Variants in LINGO2 observed in about 807,000 individuals in gnomAD.
LINGO2 encodes the protein leucine-rich repeat and immunoglobulin-like domain-containing nogo receptor-interacting protein 2.
LINGO2 carries 14 observed loss-of-function variants against 30.6 expected under a neutral mutation model. The observed-to-expected ratio is 0.46, with a 90% CI of 0.30 to 0.72. The LOEUF is 0.72. Among genes scored for constraint, LINGO2 ranks in the 30% least tolerant of loss-of-function variants. The pLI is 0.07. For missense variants in LINGO2, 729 were observed against 751.7 expected (o/e 0.97, Z 0.35); for synonymous variants, 317 against 288.5 (o/e 1.10, Z -1.00).
At chr9:28,963,311 T>A in the LINGO2 span, among the ~76,000 whole-genome samples, 1 of 151,930 alleles carries the variant, frequency 6.6e-6, no homozygotes, top group African/African-American at 2.4e-5. Context: ...CTAATGGCTA[T>A]CTAATTAGCA....
At chr9:28,567,424 AC>A (rs1823437250) in intron 1 of LINGO2, among the ~76,000 whole-genome samples, 1 of 152,146 alleles carries the variant, frequency 6.6e-6, no homozygotes, top group South Asian at 2.1e-4. Context: ...GCTGGATTAA[AC>A]AAAAAGTGGT....
the LINGO2 span, among the ~76,000 whole-genome samples, chr9:28,934,298 C>A: frequency 1.3e-5 from 2 of 152,110 alleles, no homozygotes; most frequent in Admixed American, 1.3e-4. Context: ...GGCAATCTGC[C>A]CAGATAGTGG....
At chr9:28,045,391 C>T (rs185885353) in intron 4 of LINGO2, among the ~76,000 whole-genome samples, 84 of 152,228 alleles carry the variant, frequency 5.5e-4, no homozygotes, top group South Asian at 4.1e-4. Context: ...TCCGAATTAC[C>T]TAATAAGAAT....
intron 1 of LINGO2, among the ~76,000 whole-genome samples, chr9:28,513,126 CTT>C (rs1437669178): frequency 7.1e-6 from 1 of 141,552 alleles, no homozygotes; most frequent in Non-Finnish European, 1.5e-5. Flanking sequence ...CACACACACA[CTT>C]AGAAAATATT....
the LINGO2 span, among the ~76,000 whole-genome samples, chr9:28,736,570 C>G: frequency 0.026 from 3,922 of 152,156 alleles, 165 homozygotes; most frequent in African/African-American, 0.091. Flanking sequence ...GCAGGCTGAT[C>G]GCCTGAGGTC....
chr9:28,342,224 G>A (rs997670139), intron 3 of LINGO2, among the ~76,000 whole-genome samples: 1 of 152,102 alleles, frequency 6.6e-6, no homozygotes, highest in African/African-American at 2.4e-5. Flanking sequence ...TTTGCCTGCT[G>A]TGTTTCAACC....
chr9:28,046,931 G>T (rs1290949009), intron 4 of LINGO2, among the ~76,000 whole-genome samples: 1 of 152,024 alleles, frequency 6.6e-6, no homozygotes, highest in Non-Finnish European at 1.5e-5. Flanking sequence ...ACGCGTTCTG[G>T]GTATGTGATT....
chr9:28,014,392 C>T (rs567617856), intron 4 of LINGO2, among the ~76,000 whole-genome samples: 1 of 152,124 alleles, frequency 6.6e-6, no homozygotes, highest in African/African-American at 2.4e-5. Context: ...TATGCAAGCA[C>T]CTAGATTAGA....
the LINGO2 span, among the ~76,000 whole-genome samples, chr9:29,004,494 C>A: frequency 6.6e-6 from 1 of 151,768 alleles, no homozygotes; most frequent in Non-Finnish European, 1.5e-5. Context: ...CAACATCATG[C>A]TTTGTATAGT....
chr9:28,912,060 C>G, the LINGO2 span, among the ~76,000 whole-genome samples: 7 of 152,200 alleles, frequency 4.6e-5, no homozygotes, highest in East Asian at 1.4e-3. Flanking sequence ...TTTCTAGAGT[C>G]TCTCTAATAA....
the LINGO2 span, among the ~76,000 whole-genome samples, chr9:28,854,818 A>G: frequency 6.6e-6 from 1 of 152,000 alleles, no homozygotes; most frequent in African/African-American, 2.4e-5. Context: ...CAAAATTTGC[A>G]AATTCAGCCT....
At chr9:28,057,559 A>G (rs76133914) in intron 4 of LINGO2, among the ~76,000 whole-genome samples, 6 of 126,166 alleles carry the variant, frequency 4.8e-5, no homozygotes, top group African/African-American at 9.1e-5. Flanking sequence ...ATAAGTATAT[A>G]TATATACATA....
At chr9:28,412,791 A>G (rs1822819467) in intron 2 of LINGO2, among the ~76,000 whole-genome samples, 1 of 152,072 alleles carries the variant, frequency 6.6e-6, no homozygotes, top group Admixed American at 6.6e-5. Flanking sequence ...ATTTTAACTC[A>G]CCTTAAATGA....
intron 4 of LINGO2, among the ~76,000 whole-genome samples, chr9:28,044,255 A>C (rs577714648): frequency 6.6e-6 from 1 of 152,346 alleles, no homozygotes; most frequent in South Asian, 2.1e-4. Context: ...AAGTACATTC[A>C]TCTCCCATTA....
chr9:28,935,872 TG>T, the LINGO2 span, among the ~76,000 whole-genome samples: 1 of 152,028 alleles, frequency 6.6e-6, no homozygotes, highest in South Asian at 2.1e-4. Flanking sequence ...AAAAAAGCCA[TG>T]TTCATATAAT....
intron 3 of LINGO2, among the ~76,000 whole-genome samples, chr9:28,299,448 A>ATT (rs60499003): frequency 4.0e-5 from 6 of 150,662 alleles, no homozygotes; most frequent in African/African-American, 7.3e-5. Flanking sequence ...ATTGCTTCTA[A>ATT]TTTTTTTTTT....
chr9:29,119,622 G>A, the LINGO2 span, among the ~76,000 whole-genome samples: 2 of 99,876 alleles, frequency 2.0e-5, no homozygotes, highest in Non-Finnish European at 3.6e-5. Context: ...GTTTCACTCT[G>A]TTGCCCAGGC....
the LINGO2 span, among the ~76,000 whole-genome samples, chr9:28,906,916 G>C: frequency 1.5e-4 from 23 of 151,732 alleles, no homozygotes; most frequent in Non-Finnish European, 3.0e-4. Context: ...AAAAAGTTCT[G>C]TCATATTTGT....
chr9:28,035,960 G>C (rs897011354), intron 4 of LINGO2, among the ~76,000 whole-genome samples: 1 of 151,978 alleles, frequency 6.6e-6, no homozygotes, highest in Non-Finnish European at 1.5e-5. Context: ...GACATGATGT[G>C]GTCATTCAAT....
Sources: gnomAD v4.1 joint callset for allele counts (sites outside exome capture counted in the v4.1 genomes callset) on GRCh38, gnomAD v4.1.1 for gene constraint, MANE v1.5 for transcripts, NCBI Gene and HGNC (gene_info 2026-07-23, HGNC 2026-07-21) for gene names.